Variants in CCDC38 observed in about 807,000 individuals in gnomAD.
The protein encoded by CCDC38 is coiled-coil domain containing 38.
CCDC38 carries 69 observed loss-of-function variants against 72.8 expected under a neutral mutation model. That is an observed-to-expected ratio of 0.95 (90% CI 0.78 to 1.16). CCDC38 has a LOEUF of 1.16. Ranked by LOEUF, CCDC38 falls within the 50% of genes most tolerant of loss-of-function variation. The pLI, the probability that CCDC38 is intolerant of heterozygous loss-of-function variation, is 0.00. For missense variants in CCDC38, 626 were observed against 638.9 expected, an observed-to-expected ratio of 0.98 and a Z score of 0.22; for synonymous variants, 201 against 213.2, an observed-to-expected ratio of 0.94 and a Z score of 0.50.
intron 4 of CCDC38, among the ~76,000 whole-genome samples, chr12:95,908,321 GCGTGGCGGCGCGCGCCTGCAAT>G (rs2080036800): frequency 6.7e-6 from 1 of 150,362 alleles, no homozygotes; most frequent in Admixed American, 6.6e-5. Context: ...AACCAGTCAG[GCGTGGCGGCGCGCGCCTGCAAT>G]CGCAGGCACT....
intron 2 of CCDC38, among the ~76,000 whole-genome samples, chr12:95,920,949 A>G (rs1209791558): frequency 1.3e-5 from 2 of 148,588 alleles, no homozygotes; most frequent in African/African-American, 4.9e-5. Context: ...ACCAACGTGG[A>G]GAAACCCCAT....
At chr12:95,888,320 C>G (rs2079782860) in intron 10 of CCDC38, 138 bp downstream of exon 10, 1 of 740,756 alleles carries the variant, frequency 1.3e-6, no homozygotes, top group Non-Finnish European at 2.3e-6. Flanking sequence ...CAGGAGTGCA[C>G]AGAAATGGCA....
intron 2 of CCDC38, among the ~76,000 whole-genome samples, chr12:95,926,486 A>C (rs1437771032): frequency 6.6e-6 from 1 of 151,850 alleles, no homozygotes; most frequent in Admixed American, 6.6e-5. Context: ...TCCTTTCAAA[A>C]AACCAGCTCC....
intron 10 of CCDC38, among the ~76,000 whole-genome samples, chr12:95,886,016 T>C (rs890999719): frequency 6.6e-6 from 1 of 152,064 alleles, no homozygotes; most frequent in Non-Finnish European, 1.5e-5. Context: ...TATTCTAACT[T>C]TGTGAAATCA....
intron 10 of CCDC38, among the ~76,000 whole-genome samples, chr12:95,886,454 A>G (rs1480397644): frequency 1.3e-5 from 2 of 152,174 alleles, no homozygotes; most frequent in African/African-American, 2.4e-5. Context: ...TAAAAGAAAA[A>G]ATTCATAACC....
intron 2 of CCDC38, among the ~76,000 whole-genome samples, chr12:95,926,757 G>C (rs1170876545): frequency 6.6e-6 from 1 of 151,544 alleles, no homozygotes; most frequent in Admixed American, 6.6e-5. Context: ...GTTCTCGTTG[G>C]TTTCAAAGAA....
chr12:95,901,658 C>T (rs992469336), intron 5 of CCDC38, among the ~76,000 whole-genome samples: 1 of 152,112 alleles, frequency 6.6e-6, no homozygotes, highest in African/African-American at 2.4e-5. Flanking sequence ...CTCCCAGAAA[C>T]CCACAGAAGA....
intron 14 of CCDC38, among the ~76,000 whole-genome samples, chr12:95,870,704 A>G (rs2079571757): frequency 6.6e-6 from 1 of 152,216 alleles, no homozygotes; most frequent in African/African-American, 2.4e-5. Context: ...TTTCATTTAT[A>G]GTTTTTTTTA....
intron 13 of CCDC38, among the ~76,000 whole-genome samples, chr12:95,875,351 A>G (rs2079624228): frequency 6.6e-6 from 1 of 152,314 alleles, no homozygotes; most frequent in Non-Finnish European, 1.5e-5. Context: ...ACTTCTCAAC[A>G]TTACATTATA....
intron 2 of CCDC38, chr12:95,933,166 G>A (rs1310290614): frequency 1.3e-5 from 2 of 152,016 alleles, no homozygotes; most frequent in East Asian, 3.9e-4. Flanking sequence ...ACAAAAAGTA[G>A]TAACTATACA....
chr12:95,934,451 G>A (rs753253255), intron 2 of CCDC38: 28 of 152,074 alleles, frequency 1.8e-4, no homozygotes, highest in Non-Finnish European at 3.7e-4. Flanking sequence ...TAATAAAGTC[G>A]TTTGTCTCTG....
At chr12:95,900,168 T>C (rs1267665337) in intron 5 of CCDC38, among the ~76,000 whole-genome samples, 1 of 151,696 alleles carries the variant, frequency 6.6e-6, no homozygotes, top group Non-Finnish European at 1.5e-5. Flanking sequence ...GACAAGAGAG[T>C]GATTGGTGTG....
At chr12:95,908,333 G>C (rs1213256318) in intron 4 of CCDC38, among the ~76,000 whole-genome samples, 2 of 149,802 alleles carry the variant, frequency 1.3e-5, no homozygotes. Context: ...GTGGCGGCGC[G>C]CGCCTGCAAT....
intron 7 of CCDC38, 105 bp downstream of exon 7, chr12:95,898,280 T>A (rs1190641868): frequency 3.6e-6 from 4 of 1,104,306 alleles, no homozygotes; most frequent in African/African-American, 1.5e-5. Flanking sequence ...ACTTATGACA[T>A]CATCAACTGA....
At chr12:95,931,570 A>G (rs1005835209) in intron 2 of CCDC38, among the ~76,000 whole-genome samples, 1 of 152,094 alleles carries the variant, frequency 6.6e-6, no homozygotes, top group African/African-American at 2.4e-5. Context: ...TCATTAATTC[A>G]TTCATCCACT....
intron 4 of CCDC38, among the ~76,000 whole-genome samples, chr12:95,908,328 G>A (rs1351722277): frequency 3.3e-5 from 5 of 150,054 alleles, no homozygotes; most frequent in African/African-American, 9.8e-5. Context: ...CAGGCGTGGC[G>A]GCGCGCGCCT....
rs917981331 is a variant in CCDC38, at chr12:95,869,673, C to T, written c.1485-100G>A. The T allele has an allele frequency of 1.4e-5, 11 of 807,958 alleles. No homozygotes were observed. In the East Asian group the frequency reaches 2.4e-4, roughly 17 times the overall value. The allele number at this position is 807,958 out of a possible 1,614,324, so 50.0% of individuals were successfully genotyped here. A position where few individuals can be genotyped will look rare whatever the true frequency, so the allele number is the denominator to read the frequency against. On this transcript the variant is annotated intron_variant, in intron 14 of 15. Coordinates refer to ENST00000344280, the MANE Select transcript of CCDC38 (RefSeq NM_182496.3). ...ATGAGCCATGTGACTAGAAGACCTC[C>T]TTTAAAGGTAAATGAAAATGACACT...
Position 95,898,463 on chromosome 12 carries a change from G to T in CCDC38, c.536C>A (p.Ala179Glu), listed in dbSNP as rs1363931110. ...DQRSVDALKM[A>E]AQETINKLQM... ...GAGTTTGTTTATTGTTTCCTGTGCT[G>T]CCCTGAAAAGCAATGAAGATCTGTT... Residue 179 changes from alanine (A) to glutamate (E), a missense_variant and splice_region_variant, in exon 7 of 16, where the codon GCA (alanine) becomes GAA (glutamate). Ala to Glu is a moderately radical substitution (Grantham distance 107). Coordinates refer to ENST00000344280, the MANE Select transcript of CCDC38 (RefSeq NM_182496.3). 6.2e-7 allele frequency: 1 copy of T among 1,614,022 alleles called. No individual in the cohort carries two copies. Among genetic ancestry groups the T allele is most frequent in the Non-Finnish European group, 8.5e-7 (1 of 1,180,016 alleles).
chr12:95,878,330 A>G lies in CCDC38; in HGVS notation c.1159T>C (p.Phe387Leu). Residue 387 changes from phenylalanine to leucine, a missense_variant, in exon 13 of 16, where the codon TTT becomes CTT. Coordinates refer to ENST00000344280, the MANE Select transcript of CCDC38 (RefSeq NM_182496.3). The stretch of plus-strand genomic sequence containing the variant: ...AGCATTTTTTCTTGCTCCAAAAGAA[A>G]CTCTATGTTGCTATTTCTATTACAA... The part of the protein sequence containing the change: ...IQDKTNSNIE[F>L]LLEQEKMLKA... 1 of 1,612,268 alleles carries G rather than the reference A, an allele frequency of 6.2e-7. No individual in the cohort carries two copies. The highest frequency in any genetic ancestry group is 1.3e-5 in the African/African-American group (1 of 74,804).
Sources: allele counts gnomAD v4.1 joint callset (sites outside exome capture counted in the v4.1 genomes callset), GRCh38; gene constraint gnomAD v4.1.1; transcripts MANE v1.5; gene names NCBI Gene and HGNC (gene_info 2026-07-23, HGNC 2026-07-21).